SENP7: variants seen among roughly 807,000 people sequenced by gnomAD.
SENP7 encodes SUMO specific peptidase 7.
A neutral mutation model predicts 141.2 loss-of-function variants in SENP7; 64 were observed. The ratio of observed to expected loss-of-function variants is 0.45; its 90% confidence interval spans 0.37 to 0.56. SENP7 has a LOEUF of 0.56. SENP7 is among the 20% of genes least tolerant of loss of function. The probability of loss-of-function intolerance (pLI) is 0.00; values close to 1 mark genes in which losing one functional copy is unlikely to be tolerated. For synonymous variants in SENP7, 382 were observed against 426.4 expected (o/e 0.90, Z 1.28); for missense variants, 1,025 against 1,212.2 (o/e 0.85, Z 2.29).
chr3:101,466,979 A>G (rs944679149), intron 3 of SENP7, among the ~76,000 whole-genome samples: 1 of 152,194 alleles, frequency 6.6e-6, no homozygotes, highest in African/African-American at 2.4e-5. Context: ...AGTCCCGCCC[A>G]AATACTGCAC....
At position 101,357,432 on chromosome 3, in the gene SENP7, C is replaced by T. The variant is rs758482751; in HGVS notation, c.1623+4283G>A. 1.9e-4 allele frequency: 188 copies of T among 968,508 alleles called. 1 individual carries two copies. The highest frequency in any genetic ancestry group is 2.7e-4 in the Non-Finnish European group (173 of 642,338). The allele number at this position is 968,508 out of a possible 1,614,324, so 60.0% of individuals were successfully genotyped here. On this transcript the variant is annotated intron_variant, in intron 11 of 23. Transcript: ENST00000394095. Reference sequence around the variant, plus strand: ...ACCTGTCTGGAACAAGGGAAAAAACCTTTGACTACGAAGAGACATAAGATG... The same window carrying T: ...ACCTGTCTGGAACAAGGGAAAAAACTTTTGACTACGAAGAGACATAAGATG...
At chr3:101,425,347 T>A (rs1314328878) in intron 4 of SENP7, among the ~76,000 whole-genome samples, 2 of 151,982 alleles carry the variant, frequency 1.3e-5, no homozygotes, top group African/African-American at 4.8e-5. Context: ...AAAGTTGGGG[T>A]CTGATACAAG....
chr3:101,398,214 CTTTGG>C (rs2061026467), intron 6 of SENP7, among the ~76,000 whole-genome samples: 1 of 152,220 alleles, frequency 6.6e-6, no homozygotes, highest in Non-Finnish European at 1.5e-5. Context: ...AATGCCAGCC[CTTTGG>C]GAGGCTGAAG....
At chr3:101,338,994 T>C (rs1175011751) in intron 16 of SENP7, among the ~76,000 whole-genome samples, 1 of 152,056 alleles carries the variant, frequency 6.6e-6, no homozygotes, top group African/African-American at 2.4e-5. Flanking sequence ...TGCAAAGAAA[T>C]GACTCATAAT....
At chr3:101,423,123 T>C (rs2061840773) in intron 4 of SENP7, among the ~76,000 whole-genome samples, 1 of 152,132 alleles carries the variant, frequency 6.6e-6, no homozygotes, top group African/African-American at 2.4e-5. Context: ...GACAAAACAT[T>C]TGGACACTTC....
chr3:101,371,310 AAAAGAG>A (rs2060174820), intron 7 of SENP7, among the ~76,000 whole-genome samples: 1 of 152,200 alleles, frequency 6.6e-6, no homozygotes. Flanking sequence ...CTTAAAAAGA[AAAAGAG>A]AAAGAGAAAA....
At position 101,325,747 on chromosome 3, in the gene SENP7, C is replaced by A. The variant is rs2058883423; in HGVS notation, c.*196G>T. 2 of 373,982 alleles carry A rather than the reference C, an allele frequency of 5.3e-6. No individual in the cohort carries two copies. The highest frequency in any genetic ancestry group is 4.6e-5 in the Admixed American group (1 of 21,896). The allele number at this position is 373,982 out of a possible 1,614,324, so 23.2% of individuals were successfully genotyped here. A position where few individuals can be genotyped will look rare whatever the true frequency, so the allele number is the denominator to read the frequency against. On this transcript the variant is annotated 3_prime_UTR_variant, in exon 24 of 24. Coordinates refer to ENST00000394095, the MANE Select transcript of SENP7 (RefSeq NM_020654.5). ...TTATATCTAGTAAGTTTATCTATAT[C>A]ACCCCCATTCCCATTCCATCTATGA...
chr3:101,385,929 A>G (rs1268100447), intron 6 of SENP7, among the ~76,000 whole-genome samples: 2 of 152,234 alleles, frequency 1.3e-5, no homozygotes, highest in African/African-American at 4.8e-5. Flanking sequence ...CTCCAAAATA[A>G]AATGAGCAAA....
chr3:101,466,811 G>A (rs2063773147), intron 3 of SENP7, among the ~76,000 whole-genome samples: 1 of 152,140 alleles, frequency 6.6e-6, no homozygotes, highest in Non-Finnish European at 1.5e-5. Flanking sequence ...TTCGGTACCT[G>A]GTTCATCTCA....
At chr3:101,385,814 T>C (rs1417891192) in intron 6 of SENP7, among the ~76,000 whole-genome samples, 1 of 152,108 alleles carries the variant, frequency 6.6e-6, no homozygotes, top group Non-Finnish European at 1.5e-5. Flanking sequence ...ATGGAGAAGG[T>C]CCATCTCTGC....
intron 6 of SENP7, among the ~76,000 whole-genome samples, chr3:101,381,161 C>T (rs2060490972): frequency 6.6e-6 from 1 of 152,116 alleles, no homozygotes; most frequent in African/African-American, 2.4e-5. Flanking sequence ...TTCGGTGATG[C>T]TGATAATAGT....
rs546766371 is a variant in SENP7 at position 101,459,014 on chromosome 3, G to A, written c.225C>T (p.Asp75=). 18 of 1,606,012 alleles carry A rather than the reference G, an allele frequency of 1.1e-5. No homozygotes were observed. The East Asian group carries it at 3.6e-4, about 32-fold the overall frequency. ...RSLRNKVISL[D]HKNKKHIRGC... ...CTCGGATATGTTTTTTATTTTTATG[G>A]TCTAGAGAGATGACTTTATTCCTTA... The change falls in exon 4 of 24, where the codon GAC becomes GAT. Residue 75 remains aspartate (D), a synonymous_variant. Coordinates refer to ENST00000394095, the MANE Select transcript of SENP7 (RefSeq NM_020654.5).
chr3:101,419,326 A>G (rs1029759608), intron 4 of SENP7, among the ~76,000 whole-genome samples: 1 of 152,252 alleles, frequency 6.6e-6, no homozygotes, highest in Non-Finnish European at 1.5e-5. Flanking sequence ...GTGAGACTTT[A>G]TGTCAACAAC....
At chr3:101,402,971 AAC>A (rs1445470533) in intron 5 of SENP7, among the ~76,000 whole-genome samples, 1 of 152,218 alleles carries the variant, frequency 6.6e-6, no homozygotes, top group Non-Finnish European at 1.5e-5. Flanking sequence ...AGCTACCACA[AAC>A]AGTGATTTCC....
intron 4 of SENP7, among the ~76,000 whole-genome samples, chr3:101,449,582 A>G (rs1239646888): frequency 6.6e-6 from 1 of 152,190 alleles, no homozygotes; most frequent in Non-Finnish European, 1.5e-5. Flanking sequence ...CTCAAAGAAA[A>G]GAATTTACAA....
intron 4 of SENP7, among the ~76,000 whole-genome samples, chr3:101,446,282 T>C (rs1211824118): frequency 1.3e-5 from 2 of 152,196 alleles, no homozygotes; most frequent in Non-Finnish European, 2.9e-5. Flanking sequence ...TTAAACCTCC[T>C]TTCTTTATAA....
chr3:101,469,989 C>T (rs1303213679), intron 3 of SENP7, among the ~76,000 whole-genome samples: 2 of 151,936 alleles, frequency 1.3e-5, no homozygotes, highest in African/African-American at 2.4e-5. Context: ...ATGTAAGTAA[C>T]AAAATGAAGG....
At chr3:101,373,306 TCAAGAA>T (rs2060230975) in intron 6 of SENP7, among the ~76,000 whole-genome samples, 1 of 152,058 alleles carries the variant, frequency 6.6e-6, no homozygotes, top group Non-Finnish European at 1.5e-5. Context: ...TCCTCAACCC[TCAAGAA>T]TCATTCTTGA....
rs558338980 is a variant in SENP7 at position 101,337,936 on chromosome 3, C to T, written c.2358-305G>A. ...TTGGGAGGCCGAGGCGGGCAGATCA[C>T]GAGGTCAAGAGATCGAGACCATTCT... On this transcript the variant is annotated intron_variant, in intron 16 of 23. Transcript: ENST00000394095. Among the ~76,000 whole-genome samples the T allele has an allele frequency of 4.6e-5, 7 of 152,124 alleles. No individual in the cohort carries two copies. The South Asian group carries it at 6.2e-4, about 14-fold the overall frequency.
Sources: allele counts gnomAD v4.1 joint callset (sites outside exome capture counted in the v4.1 genomes callset), GRCh38; gene constraint gnomAD v4.1.1; transcripts MANE v1.5; gene names NCBI Gene and HGNC (gene_info 2026-07-23, HGNC 2026-07-21).